Variants in DPP10 observed in about 807,000 individuals in gnomAD.
DPP10 encodes inactive dipeptidyl peptidase 10.
A neutral mutation model predicts 120.9 loss-of-function variants in DPP10; 33 were observed. The ratio of observed to expected loss-of-function variants is 0.27; its 90% CI spans 0.21 to 0.37. DPP10 has a LOEUF of 0.37. Ranked by LOEUF, DPP10 falls within the 10% of genes least tolerant of loss-of-function variation. The probability of loss-of-function intolerance (pLI) is 1.00; values close to 1 mark genes in which losing one functional copy is unlikely to be tolerated. For missense variants in DPP10, 816 were observed against 942.8 expected, an observed-to-expected ratio of 0.87 and a Z score of 1.76; for synonymous variants, 337 against 326.1, an observed-to-expected ratio of 1.03 and a Z score of -0.36.
At position 114,950,567 on chromosome 2, in the gene DPP10, A is replaced by AT. The variant is rs926474928; in HGVS notation, c.61-358662dup. ...GATCTGCCCTCCTTGGTCTCTCAAG[A>AT]TTTTTTTTTTAATACAACATCTTGA... On this transcript the variant is annotated intron_variant, in intron 1 of 25. Coordinates refer to ENST00000410059, the MANE Select transcript of DPP10 (RefSeq NM_020868.6). Among the ~76,000 whole-genome samples the AT allele has an allele frequency of 4.2e-3, 619 of 147,960 alleles. 1 individual carries two copies. Among genetic ancestry groups the AT allele is most frequent in the African/African-American group, 0.015 (600 of 40,404 alleles).
chr2:114,650,933 A>G (rs959623787), intron 1 of DPP10, among the ~76,000 whole-genome samples: 2 of 152,012 alleles, frequency 1.3e-5, no homozygotes, highest in Admixed American at 1.3e-4. Context: ...CCTTTTGTCT[A>G]GCTAACTATA....
chr2:114,871,791 A>T (rs1376814036), intron 1 of DPP10, among the ~76,000 whole-genome samples: 1 of 152,154 alleles, frequency 6.6e-6, no homozygotes, highest in Non-Finnish European at 1.5e-5. Context: ...GTAAGAGGTG[A>T]GTGGTGAACA....
intron 1 of DPP10, among the ~76,000 whole-genome samples, chr2:115,179,238 A>G (rs541277001): frequency 6.6e-6 from 1 of 152,342 alleles, no homozygotes; most frequent in East Asian, 1.9e-4. Context: ...AGAAATTTTA[A>G]TGTAGAATTG....
intron 3 of DPP10, among the ~76,000 whole-genome samples, chr2:115,373,833 A>G (rs2065590602): frequency 6.6e-6 from 1 of 151,530 alleles, no homozygotes; most frequent in South Asian, 2.1e-4. Flanking sequence ...GAAACTTACA[A>G]TTCGGGCAGA....
chr2:115,412,454 G>C (rs1008300591), intron 3 of DPP10, among the ~76,000 whole-genome samples: 1 of 152,136 alleles, frequency 6.6e-6, no homozygotes, highest in African/African-American at 2.4e-5. Flanking sequence ...AGAACAAAAA[G>C]AAACACTCTG....
At chr2:115,578,815 A>T (rs1185029860) in intron 5 of DPP10, among the ~76,000 whole-genome samples, 2 of 152,206 alleles carry the variant, frequency 1.3e-5, no homozygotes, top group Non-Finnish European at 2.9e-5. Flanking sequence ...CTATGGAATC[A>T]GTTCATCAAG....
At chr2:114,925,923 G>A (rs1025950031) in intron 1 of DPP10, among the ~76,000 whole-genome samples, 1 of 152,188 alleles carries the variant, frequency 6.6e-6, no homozygotes, top group Non-Finnish European at 1.5e-5. Flanking sequence ...GCTTTCCTGA[G>A]TGTCTAGTAC....
chr2:115,081,432 C>A (rs937320364), intron 1 of DPP10, among the ~76,000 whole-genome samples: 3 of 152,254 alleles, frequency 2.0e-5, no homozygotes, highest in African/African-American at 7.2e-5. Flanking sequence ...ATCTTAATTT[C>A]TATGATATAT....
rs556757633 is a variant in DPP10, at chr2:115,681,836, T to C, written c.442-7851T>C. ...TTCCTTCCTTCTTTCTTCCTCTTTC[T>C]TTCTTTTTCTTTTTTCTTGTAAACT... On this transcript the variant is annotated intron_variant, in intron 5 of 25. Coordinates refer to ENST00000410059, the MANE Select transcript of DPP10 (RefSeq NM_020868.6). Among the ~76,000 whole-genome samples, 5 of 151,556 alleles carry C rather than the reference T, an allele frequency of 3.3e-5. No individual in the cohort carries two copies. In the South Asian group the frequency reaches 1.0e-3, roughly 31 times the overall value.
intron 3 of DPP10, among the ~76,000 whole-genome samples, chr2:115,449,195 T>C (rs1237032716): frequency 6.6e-6 from 1 of 152,278 alleles, no homozygotes; most frequent in African/African-American, 2.4e-5. Context: ...CTGATAAATA[T>C]ATTTTCTAAA....
chr2:115,434,587 C>A (rs762947027), intron 3 of DPP10, among the ~76,000 whole-genome samples: 1 of 148,918 alleles, frequency 6.7e-6, no homozygotes, highest in Non-Finnish European at 1.5e-5. Flanking sequence ...TTTGGAGGTA[C>A]GTGTGATAGT....
intron 1 of DPP10, among the ~76,000 whole-genome samples, chr2:114,533,316 G>C (rs993724793): frequency 1.3e-5 from 2 of 151,998 alleles, no homozygotes; most frequent in Admixed American, 6.6e-5. Context: ...CCTATGTCTT[G>C]TTCTTTGTTG....
intron 1 of DPP10, among the ~76,000 whole-genome samples, chr2:115,254,393 C>T (rs999107709): frequency 6.6e-6 from 1 of 152,176 alleles, no homozygotes; most frequent in Non-Finnish European, 1.5e-5. Flanking sequence ...TCCCATGACA[C>T]ATGAGGATTA....
intron 4 of DPP10, among the ~76,000 whole-genome samples, chr2:115,524,432 G>A (rs1424680875): frequency 6.6e-6 from 1 of 152,130 alleles, no homozygotes; most frequent in Non-Finnish European, 1.5e-5. Context: ...GTCTGAAGGG[G>A]TCCCCAGCAC....
chr2:115,212,289 T>C (rs188708033), intron 1 of DPP10, among the ~76,000 whole-genome samples: 63 of 152,244 alleles, frequency 4.1e-4, no homozygotes, highest in Non-Finnish European at 8.7e-4. Context: ...AGTTTTATAT[T>C]AAGCAAAGAT....
chr2:114,944,814 T>A (rs896342117), intron 1 of DPP10, among the ~76,000 whole-genome samples: 3 of 152,214 alleles, frequency 2.0e-5, no homozygotes, highest in Non-Finnish European at 2.9e-5. Flanking sequence ...CTTGATTTTT[T>A]AAATATTCTT....
intron 3 of DPP10, among the ~76,000 whole-genome samples, chr2:115,453,915 T>A (rs2073322033): frequency 6.6e-6 from 1 of 151,354 alleles, no homozygotes; most frequent in African/African-American, 2.4e-5. Context: ...AGAGATGACA[T>A]CATTAGGACC....
chr2:115,345,191 G>A (rs926782457), intron 3 of DPP10, among the ~76,000 whole-genome samples: 3 of 152,126 alleles, frequency 2.0e-5, no homozygotes, highest in Admixed American at 2.0e-4. Flanking sequence ...AGTGTGTATT[G>A]TGATGATATT....
intron 2 of DPP10, among the ~76,000 whole-genome samples, chr2:115,322,102 C>T (rs907388028): frequency 2.5e-4 from 38 of 152,120 alleles, no homozygotes; most frequent in Non-Finnish European, 5.1e-4. Context: ...TCTTTGGATG[C>T]TTTACAATTT....
Sources: allele counts gnomAD v4.1 joint callset (sites outside exome capture counted in the v4.1 genomes callset), GRCh38; gene constraint gnomAD v4.1.1; transcripts MANE v1.5; gene names NCBI Gene and HGNC (gene_info 2026-07-23, HGNC 2026-07-21).